GRAMD4: variants seen among roughly 807,000 people sequenced by gnomAD.
GRAMD4 encodes GRAM domain-containing protein 4.
Under a neutral mutation model 83.9 loss-of-function variants are expected in GRAMD4, and 25 were observed. The observed-to-expected ratio is 0.30, with a 90% CI of 0.22 to 0.42. The LOEUF (loss-of-function observed/expected upper bound fraction) is 0.42. Among genes scored for constraint, GRAMD4 ranks in the 10% least tolerant of loss-of-function variants. GRAMD4 has a pLI of 1.00. For synonymous variants in GRAMD4, 336 were observed against 320.9 expected, an observed-to-expected ratio of 1.05 and a Z score of -0.50; for missense variants, 593 against 788.7, an observed-to-expected ratio of 0.75 and a Z score of 2.97.
intron 2 of GRAMD4, among the ~76,000 whole-genome samples, chr22:46,627,231 C>G (rs142359139): frequency 6.6e-6 from 1 of 152,248 alleles, no homozygotes; most frequent in Admixed American, 6.5e-5. Context: ...AGACTTCTCA[C>G]GCACATGTGA....
chr22:46,596,407 C>T (rs1348027007), intron 1 of GRAMD4, among the ~76,000 whole-genome samples: 1 of 152,256 alleles, frequency 6.6e-6, no homozygotes, highest in East Asian at 1.9e-4. Flanking sequence ...AAGTCTTTGT[C>T]ACCATCCCTC....
In GRAMD4 at chr22:46,678,383, C is replaced by T. The variant is rs1402876226; in HGVS notation, c.*1132C>T. 12 of 984,768 alleles carry T rather than the reference C, an allele frequency of 1.2e-5. No individual in the cohort carries two copies. Among genetic ancestry groups the T allele is most frequent in the East Asian group, 2.3e-4 (2 of 8,788 alleles). The allele number at this position is 984,768 out of a possible 1,614,324, so 61.0% of individuals were successfully genotyped here. ...CCCGCGTGCCTAGCCGGTGCCGGTC[C>T]GGGCACAGACCCCCCCAGCCCCCGC... is the stretch of plus-strand genomic sequence containing the variant. On this transcript the variant is annotated 3_prime_UTR_variant, in exon 19 of 19. Coordinates refer to ENST00000406902, the MANE Select transcript of GRAMD4 (RefSeq NM_015124.5).
chr22:46,668,949 G>T (rs986927099), intron 13 of GRAMD4, 41 bp downstream of exon 13: 2 of 1,144,132 alleles, frequency 1.7e-6, no homozygotes, highest in Middle Eastern at 2.2e-4. Context: ...CAGGAGGAGG[G>T]ACACAGGTGT....
In GRAMD4 at chr22:46,622,674, G is replaced by A. The variant is rs192376459; in HGVS notation, c.-50+2109G>A. 4.5e-3 allele frequency among the ~76,000 whole-genome samples: 681 copies of A among 152,298 alleles called. No homozygotes were observed. Among genetic ancestry groups the A allele is most frequent in the Middle Eastern group, 0.01 (3 of 294 alleles). ...CACGCCTGTAATCCCAGCACTTTGGGAGGCCGAGGCGGGTGGATCACGAGG... is the reference window on the plus strand; with the variant it reads ...CACGCCTGTAATCCCAGCACTTTGGAAGGCCGAGGCGGGTGGATCACGAGG... On this transcript the variant is annotated intron_variant, in intron 1 of 18. Transcript: ENST00000406902. This position sits in a 1 kb window ranked among gnomAD's most constrained non-coding sequence, Gnocchi z 4.0.
At chr22:46,599,480 G>A (rs2081292419) in intron 1 of GRAMD4, among the ~76,000 whole-genome samples, 1 of 151,662 alleles carries the variant, frequency 6.6e-6, no homozygotes, top group Non-Finnish European at 1.5e-5. Flanking sequence ...CACCATGCCC[G>A]GCTAATTTTT....
At chr22:46,655,188 T>C (rs2082224626) in intron 3 of GRAMD4, among the ~76,000 whole-genome samples, 1 of 151,860 alleles carries the variant, frequency 6.6e-6, no homozygotes, top group Non-Finnish European at 1.5e-5. Flanking sequence ...TTCTGGACAT[T>C]TGAGGACCTA....
intron 2 of GRAMD4, among the ~76,000 whole-genome samples, chr22:46,633,741 T>G (rs2081813222): frequency 6.6e-6 from 1 of 152,148 alleles, no homozygotes; most frequent in African/African-American, 2.4e-5. Context: ...GAATCCATTG[T>G]GGGAAAGGCA....
chr22:46,643,982 C>G (rs2082028163), intron 3 of GRAMD4, among the ~76,000 whole-genome samples: 1 of 152,238 alleles, frequency 6.6e-6, no homozygotes, highest in African/African-American at 2.4e-5. Context: ...CTCTCTTCCC[C>G]TGTAGATAAC....
intron 1 of GRAMD4, among the ~76,000 whole-genome samples, chr22:46,612,362 G>A (rs1424619764): frequency 2.0e-5 from 3 of 152,174 alleles, no homozygotes; most frequent in Non-Finnish European, 4.4e-5. Context: ...TGGATGCTGT[G>A]CTGTGGACCT....
chr22:46,610,579 C>T (rs1471920237), intron 1 of GRAMD4, among the ~76,000 whole-genome samples: 5 of 152,212 alleles, frequency 3.3e-5, no homozygotes, highest in East Asian at 1.9e-4. Context: ...CCTGTGCCTT[C>T]GCGATATTGC....
Position 46,663,824 on chromosome 22 carries a change from C to G in GRAMD4, c.600-14C>G, listed in dbSNP as rs866574005. 8 of 1,613,150 alleles carry G rather than the reference C, an allele frequency of 5.0e-6. No homozygotes were observed. The highest frequency in any genetic ancestry group is 1.3e-5 in the African/African-American group (1 of 75,034). On this transcript the variant is annotated splice_polypyrimidine_tract_variant and intron_variant, in intron 6 of 18. Transcript: ENST00000406902. ...CATTAACCCTGGGCTCCCATCTCTCCCCTTCTCTCTTAGGTTAACTGAAAA... is the reference window on the plus strand; with the variant it reads ...CATTAACCCTGGGCTCCCATCTCTCGCCTTCTCTCTTAGGTTAACTGAAAA...
rs557643225 is a variant in GRAMD4, at chr22:46,671,651, G to A, written c.1085-1192G>A. 5.5e-3 allele frequency among the ~76,000 whole-genome samples: 716 copies of A among 131,358 alleles called. 3 individuals carry two copies. Among genetic ancestry groups the A allele is most frequent in the African/African-American group, 0.021 (676 of 32,626 alleles). The allele number at this position is 131,358 out of a possible 152,430, so 86.2% of individuals were successfully genotyped here. On this transcript the variant is annotated intron_variant, in intron 13 of 18. Transcript: ENST00000406902. ...TGCCTGGGCGACAGAGCAAGACTCC[G>A]TCTCAAAAATAAAATAAAATAAAAT... is the stretch of plus-strand genomic sequence containing the variant.
chr22:46,657,249 C>T (rs1395222281), intron 3 of GRAMD4, among the ~76,000 whole-genome samples: 1 of 152,174 alleles, frequency 6.6e-6, no homozygotes, highest in Non-Finnish European at 1.5e-5. Flanking sequence ...TTCACAGGTG[C>T]CAGCTCTCTG....
intron 1 of GRAMD4, among the ~76,000 whole-genome samples, chr22:46,594,585 T>TG (rs11455830): frequency 0.56 from 76,219 of 135,052 alleles, 21,848 homozygotes; most frequent in African/African-American, 0.65. Flanking sequence ...TCTGGTTGGG[T>TG]GGGGGGGGTT....
chr22:46,667,015 G>A lies in GRAMD4; in HGVS notation c.858+142G>A, dbSNP rs1277923373. On this transcript the variant is annotated intron_variant, in intron 10 of 18. Coordinates refer to ENST00000406902, the MANE Select transcript of GRAMD4 (RefSeq NM_015124.5). ...AGTCCTGGCCTGGCCTGAAGAGGAG[G>A]GGAGGAGGAGGCCAGCCCCTCCCTA... 1.1e-5 allele frequency: 6 copies of A among 558,726 alleles called. No individual in the cohort carries two copies. The East Asian group carries it at 1.8e-4, about 16-fold the overall frequency. The allele number at this position is 558,726 out of a possible 1,614,324, so 34.6% of individuals were successfully genotyped here. A position where few individuals can be genotyped will look rare whatever the true frequency, so the allele number is the denominator to read the frequency against.
chr22:46,619,587 C>T (rs75727083), upstream of GRAMD4, among the ~76,000 whole-genome samples: 12,593 of 152,226 alleles, frequency 0.083, 963 homozygotes, highest in African/African-American at 0.2. Flanking sequence ...AGCCCTGGTG[C>T]CTGGCTGGCG....
At chr22:46,605,792 A>AT (rs1433316763) in intron 1 of GRAMD4, among the ~76,000 whole-genome samples, 1 of 139,654 alleles carries the variant, frequency 7.2e-6, no homozygotes. Flanking sequence ...GCATGGGCCT[A>AT]TGGCCGGTGC....
chr22:46,616,381 G>A (rs201731219), upstream of GRAMD4, among the ~76,000 whole-genome samples: 1 of 28,384 alleles, frequency 3.5e-5, no homozygotes, highest in African/African-American at 1.2e-4. Flanking sequence ...CCTGTGTGTA[G>A]GTTCCCCTGT....
At position 46,626,780 on chromosome 22, in the gene GRAMD4, A is replaced by C. The variant is rs2081667227; in HGVS notation, c.-20A>C. On this transcript the variant is annotated 5_prime_UTR_variant, in exon 2 of 19. Coordinates refer to ENST00000406902, the MANE Select transcript of GRAMD4 (RefSeq NM_015124.5). ...CCCGAGCGTCATGTTAGGGTGAAGC[A>C]GAGGACCTCAGTGCTGAACATGCTA... is the stretch of plus-strand genomic sequence containing the variant. The C allele has an allele frequency of 1.2e-6, 2 of 1,611,602 alleles. No homozygotes were observed. The highest frequency in any genetic ancestry group is 1.7e-6 in the Non-Finnish European group (2 of 1,177,942).
Sources: gnomAD v4.1 joint callset for allele counts (sites outside exome capture counted in the v4.1 genomes callset) on GRCh38, gnomAD v4.1.1 for gene constraint, Gnocchi (gnomAD v3.1) non-coding constraint, MANE v1.5 for transcripts, NCBI Gene and HGNC (gene_info 2026-07-23, HGNC 2026-07-21) for gene names.